The following RAP1A variants were observed in gnomAD, a reference collection of about 807,000 sequenced individuals.
The protein encoded by RAP1A is ras-related protein Rap-1A.
Under a neutral mutation model 26.4 loss-of-function variants are expected in RAP1A, and 6 were observed. That is an observed-to-expected ratio of 0.23 (90% confidence interval 0.12 to 0.45). RAP1A has a LOEUF of 0.45. RAP1A is among the 20% of genes least tolerant of loss of function. The pLI, the probability that RAP1A is intolerant of heterozygous loss-of-function variation, is 0.99. For synonymous variants in RAP1A, 73 were observed against 79.4 expected (o/e 0.92, Z 0.43); for missense variants, 121 against 217.2 (o/e 0.56, Z 2.78).
intron 1 of RAP1A, among the ~76,000 whole-genome samples, chr1:111,574,357 T>C (rs1351641516): frequency 6.6e-6 from 1 of 152,226 alleles, no homozygotes; most frequent in African/African-American, 2.4e-5. Flanking sequence ...TTTGTTACTC[T>C]AGCTCTGCAG....
intron 6 of RAP1A, among the ~76,000 whole-genome samples, chr1:111,707,121 CAGAG>C (rs1172678487): frequency 6.6e-6 from 1 of 152,068 alleles, no homozygotes; most frequent in African/African-American, 2.4e-5. Context: ...AATAAGATGA[CAGAG>C]AGTTAAATGA....
chr1:111,650,787 A>C (rs1660242090), intron 1 of RAP1A, among the ~76,000 whole-genome samples: 1 of 151,534 alleles, frequency 6.6e-6, no homozygotes, highest in African/African-American at 2.4e-5. Context: ...ATGTGTGTCC[A>C]CCTTATAGTT....
rs1659122839 is a variant in RAP1A at position 111,619,857 on chromosome 1, C to T, written c.-105C>T. On this transcript the variant is annotated 5_prime_UTR_variant, in exon 1 of 8. Coordinates refer to ENST00000369709, the MANE Select transcript of RAP1A (RefSeq NM_002884.4). The stretch of plus-strand genomic sequence containing the variant: ...TCGCCGCGCAGAGCCGGAGCAGGAG[C>T]CACGGCCGAGAGGAGGGAGGAGGAG... 1 of 398,486 alleles carries T rather than the reference C, an allele frequency of 2.5e-6. No homozygotes were observed. Among genetic ancestry groups the T allele is most frequent in the Non-Finnish European group, 4.4e-6 (1 of 226,308 alleles). The allele number at this position is 398,486 out of a possible 1,614,324, so 24.7% of individuals were successfully genotyped here.
At chr1:111,612,013 G>GT (rs36008061) in intron 1 of RAP1A, among the ~76,000 whole-genome samples, 3,211 of 144,082 alleles carry the variant, frequency 0.022, 152 homozygotes, top group Admixed American at 0.11. Flanking sequence ...ACGTGCTTGA[G>GT]TTTTTTTTTT....
intron 7 of RAP1A, among the ~76,000 whole-genome samples, chr1:111,710,139 ATT>A (rs1662331793): frequency 6.6e-6 from 1 of 150,654 alleles, no homozygotes; most frequent in African/African-American, 2.5e-5. Flanking sequence ...CAAAATTGAT[ATT>A]GTCAGTCTTC....
At chr1:111,655,979 G>A (rs1245100593) in intron 1 of RAP1A, among the ~76,000 whole-genome samples, 4 of 151,894 alleles carry the variant, frequency 2.6e-5, no homozygotes, top group African/African-American at 4.8e-5. Flanking sequence ...CTGAGCCACC[G>A]CGCCCGGCCT....
In RAP1A at chr1:111,676,438, C is replaced by T. The variant is rs1194606022; in HGVS notation, c.-27-14896C>T. ...GTAACTGGTATTCTGAGAAATTTCC[C>T]AAATAAATAATTCAAGGTGAGATTT... is the stretch of plus-strand genomic sequence containing the variant. On this transcript the variant is annotated intron_variant, in intron 1 of 7. Coordinates refer to ENST00000369709, the MANE Select transcript of RAP1A (RefSeq NM_002884.4). Among the ~76,000 whole-genome samples the T allele has an allele frequency of 2.0e-5, 3 of 146,444 alleles. No individual in the cohort carries two copies. The Admixed American group carries it at 2.1e-4, about 10-fold the overall frequency.
At chr1:111,583,627 T>C (rs779849052) in intron 1 of RAP1A, among the ~76,000 whole-genome samples, 5 of 152,020 alleles carry the variant, frequency 3.3e-5, no homozygotes, top group Admixed American at 6.6e-5. Flanking sequence ...ATAAAATTGT[T>C]TAAAATAGCA....
chr1:111,702,990 T>A (rs530459586), intron 4 of RAP1A, among the ~76,000 whole-genome samples: 2 of 152,316 alleles, frequency 1.3e-5, no homozygotes, highest in South Asian at 2.1e-4. Flanking sequence ...GAAGTCATAG[T>A]TTAGTATTGG....
chr1:111,673,740 G>A (rs919526703), intron 1 of RAP1A, among the ~76,000 whole-genome samples: 2 of 152,114 alleles, frequency 1.3e-5, no homozygotes, highest in Admixed American at 1.3e-4. Flanking sequence ...AGAACATAGA[G>A]GTTTTCTAAC....
At chr1:111,704,147 C>CTT (rs1662112262) in intron 5 of RAP1A, among the ~76,000 whole-genome samples, 196 bp from the exon 6 acceptor site, 1 of 119,796 alleles carries the variant, frequency 8.3e-6, no homozygotes, top group Non-Finnish European at 1.7e-5. Context: ...GGATCTCTTC[C>CTT]ATTTTTTTTT....
intron 1 of RAP1A, among the ~76,000 whole-genome samples, chr1:111,578,852 C>T (rs528933251): frequency 3.9e-5 from 6 of 152,298 alleles, no homozygotes; most frequent in African/African-American, 9.6e-5. Context: ...TTTCACCAAC[C>T]GGCTATAAAC....
At chr1:111,580,879 C>T (rs529950754) in intron 1 of RAP1A, among the ~76,000 whole-genome samples, 1 of 147,870 alleles carries the variant, frequency 6.8e-6, no homozygotes, top group Non-Finnish European at 1.5e-5. Flanking sequence ...AAAAAAACAA[C>T]AAAAAACAGA....
At chr1:111,550,193 T>C (rs934102470) in intron 1 of RAP1A, among the ~76,000 whole-genome samples, 1 of 152,194 alleles carries the variant, frequency 6.6e-6, no homozygotes, top group African/African-American at 2.4e-5. Context: ...CATTCCTGAT[T>C]TTCGTAATTT....
chr1:111,640,457 T>A (rs1416038147), intron 1 of RAP1A, among the ~76,000 whole-genome samples: 1 of 152,234 alleles, frequency 6.6e-6, no homozygotes. Context: ...TAGCAGGGAT[T>A]CTTTAATAGA....
chr1:111,598,634 A>G (rs574952243), intron 1 of RAP1A, among the ~76,000 whole-genome samples: 1 of 152,226 alleles, frequency 6.6e-6, no homozygotes, highest in South Asian at 2.1e-4. Flanking sequence ...ACACCACAAC[A>G]ATCATCGCAG....
intron 1 of RAP1A, among the ~76,000 whole-genome samples, chr1:111,548,087 C>G (rs1657105211): frequency 6.6e-6 from 1 of 152,184 alleles, no homozygotes; most frequent in Non-Finnish European, 1.5e-5. Flanking sequence ...GTGGCACAAT[C>G]TCGGCTCACT....
At chr1:111,623,686 C>T (rs1474440447) in intron 1 of RAP1A, among the ~76,000 whole-genome samples, 1 of 152,162 alleles carries the variant, frequency 6.6e-6, no homozygotes, top group Non-Finnish European at 1.5e-5. Context: ...TGGACTCCTG[C>T]GGCTGAGACT....
intron 1 of RAP1A, among the ~76,000 whole-genome samples, chr1:111,562,776 G>A (rs544903678): frequency 4.5e-4 from 69 of 152,284 alleles, no homozygotes; most frequent in African/African-American, 1.6e-3. Context: ...CTCTTGATAG[G>A]CTGGAAGACT....
Sources: gnomAD v4.1 joint callset for allele counts (sites outside exome capture counted in the v4.1 genomes callset) on GRCh38, gnomAD v4.1.1 for gene constraint, MANE v1.5 for transcripts, NCBI Gene and HGNC (gene_info 2026-07-23, HGNC 2026-07-21) for gene names.